The following PDE4B variants were observed in gnomAD, a reference collection of about 807,000 sequenced individuals.
PDE4B encodes 3',5'-cyclic-AMP phosphodiesterase 4B.
Under a neutral mutation model 82.2 loss-of-function variants are expected in PDE4B, and 20 were observed. That is an observed-to-expected ratio of 0.24 (90% CI 0.17 to 0.35). PDE4B has a LOEUF of 0.35. PDE4B is among the 10% of genes least tolerant of loss of function. The pLI is 1.00. For synonymous variants in PDE4B, 320 were observed against 318.9 expected (o/e 1.00, Z -0.04); for missense variants, 655 against 907.2 (o/e 0.72, Z 3.57).
At chr1:66,140,787 T>C (rs984503231) in intron 3 of PDE4B, among the ~76,000 whole-genome samples, 1 of 152,318 alleles carries the variant, frequency 6.6e-6, no homozygotes, top group African/African-American at 2.4e-5. Context: ...TGCATTTTCA[T>C]TGGGAGGAGT....
At chr1:65,902,720 A>T (rs892286060) in intron 1 of PDE4B, among the ~76,000 whole-genome samples, 3 of 152,176 alleles carry the variant, frequency 2.0e-5, no homozygotes, top group African/African-American at 7.2e-5. Flanking sequence ...AATGCTCAAT[A>T]AATTGTTGTT....
intron 3 of PDE4B, among the ~76,000 whole-genome samples, chr1:66,091,158 G>A (rs943819458): frequency 5.9e-5 from 9 of 151,786 alleles, no homozygotes; most frequent in Admixed American, 3.3e-4. Context: ...GCCAATTAAC[G>A]AGACACCCTA....
At chr1:65,953,438 A>T (rs1649102955) in intron 3 of PDE4B, among the ~76,000 whole-genome samples, 1 of 152,054 alleles carries the variant, frequency 6.6e-6, no homozygotes, top group African/African-American at 2.4e-5. Context: ...TGAAATCACA[A>T]GGGTCTTTAT....
chr1:65,906,499 A>G (rs1647029450), intron 1 of PDE4B, among the ~76,000 whole-genome samples: 1 of 152,208 alleles, frequency 6.6e-6, no homozygotes, highest in Non-Finnish European at 1.5e-5. Context: ...TTAAACCATA[A>G]GAGATTAATC....
chr1:66,322,585 G>T (rs1659480507), intron 7 of PDE4B, among the ~76,000 whole-genome samples: 1 of 151,972 alleles, frequency 6.6e-6, no homozygotes, highest in South Asian at 2.1e-4. Flanking sequence ...GGTCATCAGA[G>T]AATGCAAATC....
rs74561212 is a variant in PDE4B at position 66,371,079 on chromosome 1, T to C, written c.1846-1234T>C. On this transcript the variant is annotated intron_variant, in intron 16 of 16. Transcript: ENST00000341517. ...CATCATACATATATATATATATATA[T>C]ACACACACATCATACTATATATATA... Among the ~76,000 whole-genome samples the C allele has an allele frequency of 2.9e-3, 278 of 96,640 alleles. 3 individuals carry two copies. Among genetic ancestry groups the C allele is most frequent in the East Asian group, 8.5e-3 (31 of 3,636 alleles). The allele number at this position is 96,640 out of a possible 152,430, so 63.4% of individuals were successfully genotyped here. A position where few individuals can be genotyped will look rare whatever the true frequency, so the allele number is the denominator to read the frequency against.
chr1:66,255,502 A>T (rs996872367), intron 4 of PDE4B, among the ~76,000 whole-genome samples: 5 of 152,208 alleles, frequency 3.3e-5, no homozygotes, highest in Non-Finnish European at 7.3e-5. Flanking sequence ...TCTATAGCTA[A>T]TATGCTCTGC....
At chr1:66,211,673 A>G (rs1305688466) in intron 3 of PDE4B, among the ~76,000 whole-genome samples, 2 of 152,224 alleles carry the variant, frequency 1.3e-5, no homozygotes, top group Non-Finnish European at 2.9e-5. Flanking sequence ...ATAAACTGTA[A>G]CTTAGGGGAG....
chr1:66,298,051 A>G (rs1217297212), intron 7 of PDE4B, among the ~76,000 whole-genome samples: 1 of 152,048 alleles, frequency 6.6e-6, no homozygotes, highest in Non-Finnish European at 1.5e-5. Flanking sequence ...CTTATCATAA[A>G]CTCTTGAGAT....
At chr1:66,001,021 T>G (rs1385478986) in intron 3 of PDE4B, among the ~76,000 whole-genome samples, 1 of 152,180 alleles carries the variant, frequency 6.6e-6, no homozygotes, top group Non-Finnish European at 1.5e-5. Flanking sequence ...CTCCAAGTAC[T>G]TGAAAACCAC....
chr1:66,244,984 A>G (rs934804027), intron 3 of PDE4B, among the ~76,000 whole-genome samples: 2 of 152,230 alleles, frequency 1.3e-5, no homozygotes, highest in Non-Finnish European at 2.9e-5. Context: ...TGCCTTTAGC[A>G]AAAAAGAAGG....
intron 1 of PDE4B, among the ~76,000 whole-genome samples, chr1:65,808,156 A>G (rs1645777781): frequency 1.3e-5 from 2 of 149,504 alleles, no homozygotes; most frequent in African/African-American, 4.9e-5. Flanking sequence ...TCCATCAAGT[A>G]GGTAGACAAA....
chr1:66,335,774 G>T lies in PDE4B; in HGVS notation c.747+3154G>T, dbSNP rs372885669. 2.0e-5 allele frequency among the ~76,000 whole-genome samples: 3 copies of T among 152,200 alleles called. No homozygotes were observed. In the East Asian group the frequency reaches 5.8e-4, roughly 29 times the overall value. On this transcript the variant is annotated intron_variant, in intron 8 of 16. Coordinates refer to ENST00000341517, the MANE Select transcript of PDE4B (RefSeq NM_002600.4). Reference sequence around the variant, plus strand: ...ATGGTATTGTTATTTAAGATGAAAAGGATGGCTAGTGAACCTCCTGCCAGC... The same window carrying T: ...ATGGTATTGTTATTTAAGATGAAAATGATGGCTAGTGAACCTCCTGCCAGC...
chr1:65,909,813 A>C (rs866553950), intron 1 of PDE4B, among the ~76,000 whole-genome samples: 4 of 152,214 alleles, frequency 2.6e-5, no homozygotes, highest in Non-Finnish European at 4.4e-5. Context: ...AATATGAGGC[A>C]TTTAAAAACT....
intron 3 of PDE4B, among the ~76,000 whole-genome samples, chr1:66,014,586 T>A (rs1320407409): frequency 6.6e-6 from 1 of 152,104 alleles, no homozygotes; most frequent in Non-Finnish European, 1.5e-5. Flanking sequence ...CCATACAGAT[T>A]TAAGGGAAAC....
At chr1:65,961,736 A>G (rs1444937348) in intron 3 of PDE4B, among the ~76,000 whole-genome samples, 3 of 152,190 alleles carry the variant, frequency 2.0e-5, no homozygotes, top group Non-Finnish European at 2.9e-5. Flanking sequence ...GGCTTATGAA[A>G]GGTACCTAGG....
At chr1:66,223,727 A>C (rs1346512244) in intron 3 of PDE4B, among the ~76,000 whole-genome samples, 4 of 151,396 alleles carry the variant, frequency 2.6e-5, no homozygotes, top group Non-Finnish European at 5.9e-5. Context: ...ATAGAGAAAG[A>C]GGAGGGCCCT....
chr1:66,273,539 T>A (rs1294633533), intron 7 of PDE4B, among the ~76,000 whole-genome samples: 3 of 152,248 alleles, frequency 2.0e-5, no homozygotes, highest in Non-Finnish European at 4.4e-5. Context: ...TTCATCTTCT[T>A]GATATACCTT....
At chr1:66,133,411 T>A (rs1645992658) in intron 3 of PDE4B, among the ~76,000 whole-genome samples, 1 of 152,238 alleles carries the variant, frequency 6.6e-6, no homozygotes, top group South Asian at 2.1e-4. Context: ...AATATTACTG[T>A]CTTTACTTTC....
Sources: allele counts gnomAD v4.1 joint callset (sites outside exome capture counted in the v4.1 genomes callset), GRCh38; gene constraint gnomAD v4.1.1; transcripts MANE v1.5; gene names NCBI Gene and HGNC (gene_info 2026-07-23, HGNC 2026-07-21).